RAB7A: variants seen among roughly 807,000 people sequenced by gnomAD.
RAB7A encodes the protein ras-related protein Rab-7a.
In RAB7A, 2 loss-of-function variants were observed where a neutral mutation model predicts 24.5. That is an observed-to-expected ratio of 0.08 (90% CI 0.03 to 0.26). The LOEUF is 0.26. Ranked by LOEUF, RAB7A falls within the 10% of genes least tolerant of loss-of-function variation. RAB7A has a pLI of 1.00. For missense variants in RAB7A, 118 were observed against 255.7 expected (o/e 0.46, Z 3.67); for synonymous variants, 100 against 95.9 (o/e 1.04, Z -0.25).
intron 1 of RAB7A, among the ~76,000 whole-genome samples, chr3:128,744,881 T>TC (rs1007056182): frequency 5.3e-5 from 8 of 151,344 alleles, no homozygotes; most frequent in African/African-American, 1.7e-4. Flanking sequence ...TTTTTCTTTT[T>TC]TTTTTTTTTT....
rs537211224 is a variant in RAB7A, at chr3:128,773,942, G to GCGGAAGGC, written c.-8-21416_-8-21409dup. Among the ~76,000 whole-genome samples, 1,450 of 151,066 alleles carry GCGGAAGGC rather than the reference G, an allele frequency of 9.6e-3. 34 individuals carry two copies. The highest frequency in any genetic ancestry group is 0.034 in the African/African-American group (1,377 of 40,560). ...TCAAGTACCCAGGGACACAAACACTGCGGAAGGCCTCAGGGTCCTCTGCCT... is the reference window on the plus strand; with the variant it reads ...TCAAGTACCCAGGGACACAAACACTGCGGAAGGCCGGAAGGCCTCAGGGTCCTCTGCCT... On this transcript the variant is annotated intron_variant, in intron 1 of 5. Coordinates refer to ENST00000265062, the MANE Select transcript of RAB7A (RefSeq NM_004637.6).
intron 5 of RAB7A, among the ~76,000 whole-genome samples, chr3:128,809,936 C>CTTTTTTTTTTTTTGTTT (rs1933887501): frequency 1.9e-5 from 1 of 52,216 alleles, no homozygotes; most frequent in Non-Finnish European, 3.4e-5. Flanking sequence ...TTGCCACAGT[C>CTTTTTTTTTTTTTGTTT]TTTTTTTTTT....
At chr3:128,777,260 C>G (rs555863081) in intron 1 of RAB7A, among the ~76,000 whole-genome samples, 101 of 152,136 alleles carry the variant, frequency 6.6e-4, no homozygotes, top group African/African-American at 2.4e-3. Flanking sequence ...GTTATATGAT[C>G]ACTGCTCGCT....
chr3:128,765,001 G>A lies in RAB7A; in HGVS notation c.-8-30359G>A, dbSNP rs2070815290. On this transcript the variant is annotated intron_variant, in intron 1 of 5. Coordinates refer to ENST00000265062, the MANE Select transcript of RAB7A (RefSeq NM_004637.6). ...GTGGTAGTTCTGGCGCACCTGCGAG[G>A]TGGACGCAGTTGTCATGGCAGCAAC... 15 of 1,588,942 alleles carry A rather than the reference G, an allele frequency of 9.4e-6. No homozygotes were observed. In the South Asian group the frequency reaches 1.7e-4, roughly 18 times the overall value.
chr3:128,784,590 C>T (rs1933297206), intron 1 of RAB7A, among the ~76,000 whole-genome samples: 2 of 152,162 alleles, frequency 1.3e-5, no homozygotes, highest in Admixed American at 1.3e-4. Context: ...GACCTTAGTA[C>T]GGCCCACTGT....
chr3:128,809,367 G>C (rs937529033), intron 5 of RAB7A, among the ~76,000 whole-genome samples: 5 of 152,158 alleles, frequency 3.3e-5, no homozygotes, highest in Middle Eastern at 3.2e-3. Flanking sequence ...TGACATTGCC[G>C]ATCTTTGGGT....
intron 1 of RAB7A, among the ~76,000 whole-genome samples, chr3:128,757,036 G>T (rs773804061): frequency 2.0e-5 from 3 of 151,924 alleles, no homozygotes; most frequent in Admixed American, 1.3e-4. Flanking sequence ...GTAGAGACGG[G>T]GTTTTGCCAT....
intron 1 of RAB7A, among the ~76,000 whole-genome samples, chr3:128,792,565 C>G (rs552918800): frequency 6.6e-6 from 1 of 151,546 alleles, no homozygotes; most frequent in East Asian, 1.9e-4. Context: ...CACCACCACA[C>G]CCAGCTATTT....
chr3:128,740,209 C>T (rs1437829610), intron 1 of RAB7A, among the ~76,000 whole-genome samples: 1 of 151,978 alleles, frequency 6.6e-6, no homozygotes, highest in African/African-American at 2.4e-5. Context: ...GAAATCCCGT[C>T]TCTACTAAAA....
intron 5 of RAB7A, among the ~76,000 whole-genome samples, 157 bp downstream of exon 5, chr3:128,807,828 T>TGCTTAAGCTTAA (rs1933837903): frequency 6.6e-6 from 1 of 152,242 alleles, no homozygotes; most frequent in Non-Finnish European, 1.5e-5. Context: ...TGACATGTTC[T>TGCTTAAGCTTAA]GCTTAAGCTT....
chr3:128,761,380 C>T (rs1211499393), intron 1 of RAB7A, among the ~76,000 whole-genome samples: 1 of 152,166 alleles, frequency 6.6e-6, no homozygotes, highest in Non-Finnish European at 1.5e-5. Flanking sequence ...CCCCCCATCC[C>T]ACTCGGAGGA....
intron 1 of RAB7A, among the ~76,000 whole-genome samples, chr3:128,741,527 CT>C (rs1228558116): frequency 4.6e-5 from 7 of 151,912 alleles, no homozygotes; most frequent in African/African-American, 1.5e-4. Flanking sequence ...ACTTCCATGT[CT>C]TTTTTTATTT....
intron 1 of RAB7A, among the ~76,000 whole-genome samples, chr3:128,762,139 C>T (rs928217571): frequency 1.3e-5 from 2 of 152,160 alleles, no homozygotes; most frequent in South Asian, 2.1e-4. Context: ...TGTAGGAATA[C>T]TTTCTATAAC....
intron 1 of RAB7A, among the ~76,000 whole-genome samples, chr3:128,775,031 C>T (rs1389231630): frequency 3.3e-5 from 5 of 152,236 alleles, no homozygotes; most frequent in African/African-American, 1.2e-4. Flanking sequence ...ATCCACCCAC[C>T]TTGGCCTCCC....
chr3:128,768,044 G>T (rs1167469561), intron 1 of RAB7A, among the ~76,000 whole-genome samples: 2 of 152,044 alleles, frequency 1.3e-5, no homozygotes, highest in Non-Finnish European at 2.9e-5. Context: ...TTACCCTGAA[G>T]TATCCCAGTA....
Position 128,806,563 on chromosome 3 carries a change from A to C in RAB7A, c.372A>C (p.Gly124=). 5 of 1,614,124 alleles carry C rather than the reference A, an allele frequency of 3.1e-6. No homozygotes were observed. The highest frequency in any genetic ancestry group is 4.2e-6 in the Non-Finnish European group (5 of 1,179,994). The change falls in exon 4 of 6, where the codon GGA becomes GGC. Residue 124 remains glycine (G), a synonymous_variant. Transcript: ENST00000265062. Reference sequence around the variant, plus strand: ...AAAACTTCCCATTTGTTGTGTTGGGAAACAAGATTGACCTCGAAAACAGAC... The same window carrying C: ...AAAACTTCCCATTTGTTGTGTTGGGCAACAAGATTGACCTCGAAAACAGAC... ...DPENFPFVVL[G]NKIDLENRQV...
chr3:128,783,263 A>G (rs1191647083), intron 1 of RAB7A, among the ~76,000 whole-genome samples: 5 of 97,268 alleles, frequency 5.1e-5, no homozygotes, highest in South Asian at 7.4e-4. Context: ...CTCCTGCCCT[A>G]CCCCCACTTA....
chr3:128,750,744 C>G (rs544203356), intron 1 of RAB7A, among the ~76,000 whole-genome samples: 1 of 152,334 alleles, frequency 6.6e-6, no homozygotes, highest in South Asian at 2.1e-4. Flanking sequence ...TTACAAGTAG[C>G]TGAATGTTAA....
intron 1 of RAB7A, among the ~76,000 whole-genome samples, chr3:128,779,737 G>A (rs1933179357): frequency 6.6e-6 from 1 of 152,086 alleles, no homozygotes; most frequent in Non-Finnish European, 1.5e-5. Flanking sequence ...GAGTAGGCAC[G>A]ATACCATGCT....
Sources: gnomAD v4.1 joint callset for allele counts (sites outside exome capture counted in the v4.1 genomes callset) on GRCh38, gnomAD v4.1.1 for gene constraint, MANE v1.5 for transcripts, NCBI Gene and HGNC (gene_info 2026-07-23, HGNC 2026-07-21) for gene names.